KCNQ1: variants seen among roughly 807,000 people sequenced by gnomAD.
KCNQ1 encodes the protein potassium voltage-gated channel subfamily Q member 1.
A neutral mutation model predicts 72.4 loss-of-function variants in KCNQ1; 49 were observed. That is an observed-to-expected ratio of 0.68 (90% CI 0.54 to 0.86). KCNQ1 has a LOEUF of 0.86. Among genes scored for constraint, KCNQ1 ranks in the 40% least tolerant of loss-of-function variants. KCNQ1 has a pLI of 0.00. For missense variants in KCNQ1, 790 were observed against 945.1 expected (o/e 0.84, Z 2.15); for synonymous variants, 450 against 412.6 (o/e 1.09, Z -1.10).
At position 2,695,621 on chromosome 11, in the gene KCNQ1, AG is replaced by A. The variant is rs1850662283; in HGVS notation, c.1514+33542del. ...GAGAACTGCTCCAGCATGTTTACTT[AG>A]GAGGGAAACTGCTGGGCCACAGGTA... On this transcript the variant is annotated intron_variant, in intron 11 of 15. Transcript: ENST00000155840. This position sits in a 1 kb window ranked among gnomAD's most constrained non-coding sequence, Gnocchi z 5.2. The A allele has an allele frequency of 2.5e-6, 1 of 398,400 alleles. No individual in the cohort carries two copies. Among genetic ancestry groups the A allele is most frequent in the South Asian group, 1.3e-4 (1 of 7,852 alleles). The allele number at this position is 398,400 out of a possible 1,614,324, so 24.7% of individuals were successfully genotyped here.
intron 1 of KCNQ1, 134 bp from the exon 2 acceptor site, chr11:2,527,790 AATGG>A: frequency 1.3e-6 from 1 of 743,006 alleles, no homozygotes; most frequent in East Asian, 2.6e-5. Flanking sequence ...CTTACCAGCT[AATGG>A]ATGACTGGGT....
In KCNQ1 at chr11:2,817,669, G is replaced by A. The variant is rs1185749225; in HGVS notation, c.1795-30098G>A. On this transcript the variant is annotated intron_variant, in intron 15 of 15. Transcript: ENST00000155840. The surrounding 1 kb of genome is among the most constrained non-coding windows in gnomAD (Gnocchi z 6.1). The stretch of plus-strand genomic sequence containing the variant: ...GGTGGTGAGAGCTACCCCGGGTCTG[G>A]GGACTGTTAGCACAGACCTGAGCCG... Among the ~76,000 whole-genome samples the A allele has an allele frequency of 6.6e-6, 1 of 152,112 alleles. No individual in the cohort carries two copies. The highest frequency in any genetic ancestry group is 1.5e-5 in the Non-Finnish European group (1 of 68,020).
At chr11:2,470,880 T>C (rs1846441165) in intron 1 of KCNQ1, among the ~76,000 whole-genome samples, 8 of 152,096 alleles carry the variant, frequency 5.3e-5, no homozygotes, top group Admixed American at 3.3e-4. Flanking sequence ...CCCTTATGGA[T>C]TGTGTTTTTT....
chr11:2,670,355 G>GGTTA lies in KCNQ1; in HGVS notation c.1514+8277_1514+8280dup. ...AGTTCAGACTCAGTGGCTTTCAGAT[G>GGTTA]GTTAGTATAGGCTGAAATTCCAAGA... On this transcript the variant is annotated intron_variant, in intron 11 of 15. Coordinates refer to ENST00000155840, the MANE Select transcript of KCNQ1 (RefSeq NM_000218.3). This position sits in a 1 kb window ranked among gnomAD's most constrained non-coding sequence, Gnocchi z 4.9. 2.5e-6 allele frequency: 1 copy of GGTTA among 398,480 alleles called. No homozygotes were observed. The highest frequency in any genetic ancestry group is 1.3e-4 in the South Asian group (1 of 7,852). 24.7% of individuals were successfully genotyped at this position (398,480 alleles called of 1,614,324 possible). A position where few individuals can be genotyped will look rare whatever the true frequency, so the allele number is the denominator to read the frequency against.
rs1848609053 is a variant in KCNQ1, at chr11:2,587,556, C to T, written c.1129-14C>T. 6.2e-7 allele frequency: 1 copy of T among 1,613,476 alleles called. No homozygotes were observed. Among genetic ancestry groups the T allele is most frequent in the Admixed American group, 1.7e-5 (1 of 59,996 alleles). On this transcript the variant is annotated splice_polypyrimidine_tract_variant and intron_variant, in intron 8 of 15. Transcript: ENST00000155840. ...GCTCAGCAGGTGACAGCCTGTCCCC[C>T]TGCCCGACCTCAGACCGCATGGAGG... is the stretch of plus-strand genomic sequence containing the variant.
chr11:2,516,780 G>A lies in KCNQ1; in HGVS notation c.387-11148G>A, dbSNP rs558321014. Among the ~76,000 whole-genome samples the A allele has an allele frequency of 4.8e-4, 73 of 152,256 alleles. No homozygotes were observed. The highest frequency in any genetic ancestry group is 1.7e-3 in the African/African-American group (70 of 41,540). On this transcript the variant is annotated intron_variant, in intron 1 of 15. Transcript: ENST00000155840. The surrounding 1 kb of genome is among the most constrained non-coding windows in gnomAD (Gnocchi z 7.0). ...AGGCCACCTGCCCCACCACGCCTAG[G>A]ACATTTCCTCTCTGGCCCAGAGGTG...
Position 2,496,495 on chromosome 11 carries a change from C to CTTTTTTTTTTTTTTTTTTTTTT in KCNQ1, c.387-31429_387-31408dup. 1.6e-3 allele frequency among the ~76,000 whole-genome samples: 47 copies of CTTTTTTTTTTTTTTTTTTTTTT among 29,842 alleles called. 11 individuals are homozygous for CTTTTTTTTTTTTTTTTTTTTTT. The highest frequency in any genetic ancestry group is 3.5e-3 in the Admixed American group (5 of 1,438). 19.6% of individuals were successfully genotyped at this position (29,842 alleles called of 152,430 possible). On this transcript the variant is annotated intron_variant, in intron 1 of 15. Transcript: ENST00000155840. ...AAAATGGCTAGGATCACAACCCCTG[C>CTTTTTTTTTTTTTTTTTTTTTT]TTTTTTTTTTTTTTTTTTTTTTTTT...
intron 1 of KCNQ1, among the ~76,000 whole-genome samples, chr11:2,449,316 C>T (rs1301162122): frequency 6.6e-6 from 1 of 152,202 alleles, no homozygotes; most frequent in East Asian, 1.9e-4. Flanking sequence ...CAGGAGGGTC[C>T]CTTTTTGCTT....
chr11:2,758,482 G>A (rs1846338640), intron 11 of KCNQ1, among the ~76,000 whole-genome samples: 1 of 152,162 alleles, frequency 6.6e-6, no homozygotes, highest in South Asian at 2.1e-4. Context: ...AGCACTCGGG[G>A]AAAATAATGT....
intron 1 of KCNQ1, among the ~76,000 whole-genome samples, chr11:2,456,643 C>T (rs940613528): frequency 1.2e-4 from 18 of 151,274 alleles, no homozygotes; most frequent in East Asian, 7.8e-4. Flanking sequence ...GCAAAAGGGC[C>T]GGGCGCGGTG....
At chr11:2,560,391 GCGTCCATCCTGGGACTGGGGGGTGA>G (rs1476039932) in intron 2 of KCNQ1, among the ~76,000 whole-genome samples, 1 of 71,122 alleles carries the variant, frequency 1.4e-5, no homozygotes, top group East Asian at 5.9e-4. Context: ...CTGGGGGGTG[GCGTCCATCCTGGGACTGGGGGGTGA>G]CGTCCATCCT....
chr11:2,708,237 G>T (rs375356643), intron 11 of KCNQ1, among the ~76,000 whole-genome samples: 1 of 152,206 alleles, frequency 6.6e-6, no homozygotes, highest in Non-Finnish European at 1.5e-5. Flanking sequence ...TTCAGCAGCC[G>T]CTTTGGAGAC....
At position 2,642,003 on chromosome 11, in the gene KCNQ1, A is replaced by G. The variant is rs187059749; in HGVS notation, c.1394-19958A>G. Reference sequence around the variant, plus strand: ...CATTGGTCTATCAGTTTTTATTCCAATACCATGCTGCTTTTAATGCTATAG... The same window carrying G: ...CATTGGTCTATCAGTTTTTATTCCAGTACCATGCTGCTTTTAATGCTATAG... On this transcript the variant is annotated intron_variant, in intron 10 of 15. Transcript: ENST00000155840. This position sits in a 1 kb window ranked among gnomAD's most constrained non-coding sequence, Gnocchi z 4.3. 521 of 398,348 alleles carry G rather than the reference A, an allele frequency of 1.3e-3. 3 individuals are homozygous for G. The highest frequency in any genetic ancestry group is 2.2e-3 in the Admixed American group (49 of 22,726). 24.7% of individuals were successfully genotyped at this position (398,348 alleles called of 1,614,324 possible).
chr11:2,531,604 A>G (rs1050276207), intron 2 of KCNQ1, among the ~76,000 whole-genome samples: 2 of 152,154 alleles, frequency 1.3e-5, no homozygotes, highest in South Asian at 2.1e-4. Flanking sequence ...ACCCCTGGTC[A>G]GCAGGAACCG....
At position 2,525,332 on chromosome 11, in the gene KCNQ1, G is replaced by A. The variant is rs1028361022; in HGVS notation, c.387-2596G>A. Reference sequence around the variant, plus strand: ...CGTGAGATCCACAGATTCACCCTACGGAGGGCTCCCCACAGGGTTGGCCCG... The same window carrying A: ...CGTGAGATCCACAGATTCACCCTACAGAGGGCTCCCCACAGGGTTGGCCCG... On this transcript the variant is annotated intron_variant, in intron 1 of 15. Transcript: ENST00000155840. Among the ~76,000 whole-genome samples the A allele has an allele frequency of 5.3e-5, 8 of 152,220 alleles. No individual in the cohort carries two copies. In the South Asian group the frequency reaches 6.2e-4, roughly 12 times the overall value.
chr11:2,686,740 C>T (rs1044663646), intron 11 of KCNQ1: 1 of 398,670 alleles, frequency 2.5e-6, no homozygotes, highest in Non-Finnish European at 4.4e-6. Context: ...TACCCAGGAC[C>T]AGTAGCTTTC....
intron 11 of KCNQ1, chr11:2,699,738 CGAGGAGCCCCCAGAAGAGCGCCGCGCT>C (rs907213440): frequency 3.9e-5 from 15 of 383,530 alleles, no homozygotes; most frequent in East Asian, 7.3e-5. Flanking sequence ...AGAACTGCGC[CGAGGAGCCCCCAGAAGAGCGCCGCGCT>C]GAGGAGCCCC....
intron 1 of KCNQ1, among the ~76,000 whole-genome samples, chr11:2,511,234 G>A (rs557457531): frequency 2.6e-5 from 4 of 152,282 alleles, no homozygotes; most frequent in African/African-American, 9.6e-5. Flanking sequence ...AAAAGGAGGA[G>A]ACGTGGGGTG....
rs992839749 is a variant in KCNQ1 at position 2,764,151 on chromosome 11, A to C, written c.1515-4693A>C. On this transcript the variant is annotated intron_variant, in intron 11 of 15. Transcript: ENST00000155840. The surrounding 1 kb of genome is among the most constrained non-coding windows in gnomAD (Gnocchi z 4.8). ...GAAAGCGTATCACATTTCACTATTA[A>C]GTATGATGTCTGCTTAGGGTTTGGG... 2.6e-5 allele frequency among the ~76,000 whole-genome samples: 4 copies of C among 152,056 alleles called. No homozygotes were observed. Among genetic ancestry groups the C allele is most frequent in the African/African-American group, 9.7e-5 (4 of 41,404 alleles).
Sources: allele counts gnomAD v4.1 joint callset (sites outside exome capture counted in the v4.1 genomes callset), GRCh38; gene constraint gnomAD v4.1.1; non-coding constraint Gnocchi (gnomAD v3.1); transcripts MANE v1.5; gene names NCBI Gene and HGNC (gene_info 2026-07-23, HGNC 2026-07-21).